COP1: variants seen among roughly 807,000 people sequenced by gnomAD.
COP1 encodes COP1 E3 ubiquitin ligase.
Under a neutral mutation model 101.3 loss-of-function variants are expected in COP1, and 24 were observed. The ratio of observed to expected loss-of-function variants is 0.24; its 90% confidence interval spans 0.17 to 0.33. The LOEUF (loss-of-function observed/expected upper bound fraction) is 0.33, where lower values mean the gene tolerates loss of function less well. COP1 is among the 10% of genes least tolerant of loss of function. The probability of loss-of-function intolerance (pLI) is 1.00; values close to 1 mark genes in which losing one functional copy is unlikely to be tolerated. For synonymous variants in COP1, 347 were observed against 341.9 expected, an observed-to-expected ratio of 1.01 and a Z score of -0.17; for missense variants, 663 against 906.2, an observed-to-expected ratio of 0.73 and a Z score of 3.45.
At chr1:176,196,120 G>C (rs1699661948) in intron 1 of COP1, among the ~76,000 whole-genome samples, 1 of 152,050 alleles carries the variant, frequency 6.6e-6, no homozygotes, top group Non-Finnish European at 1.5e-5. Flanking sequence ...GCTAAAGTAG[G>C]GATTAGAAAG....
chr1:176,050,382 G>C (rs1672335714), intron 11 of COP1, among the ~76,000 whole-genome samples: 1 of 152,194 alleles, frequency 6.6e-6, no homozygotes, highest in Non-Finnish European at 1.5e-5. Flanking sequence ...AGTGAATTTT[G>C]TCAGTGTTTC....
At chr1:176,107,169 A>C (rs1319682443) in intron 9 of COP1, among the ~76,000 whole-genome samples, 2 of 152,190 alleles carry the variant, frequency 1.3e-5, no homozygotes, top group Non-Finnish European at 2.9e-5. Context: ...ATATGTAATT[A>C]ATGCATATAT....
At chr1:176,199,017 G>A (rs2102244086) in intron 1 of COP1, among the ~76,000 whole-genome samples, 1 of 152,190 alleles carries the variant, frequency 6.6e-6, no homozygotes, top group South Asian at 2.1e-4. Flanking sequence ...AATTGTTGCT[G>A]GTAGAAATGC....
chr1:176,138,314 A>G (rs2149753070), intron 6 of COP1, among the ~76,000 whole-genome samples: 1 of 152,314 alleles, frequency 6.6e-6, no homozygotes, highest in Admixed American at 6.5e-5. Context: ...TGTTAAAGAG[A>G]TGGGCAAAGG....
chr1:176,041,593 C>T (rs527759410), intron 14 of COP1, among the ~76,000 whole-genome samples: 1 of 152,240 alleles, frequency 6.6e-6, no homozygotes, highest in African/African-American at 2.4e-5. Flanking sequence ...AAGTGATCCA[C>T]CCGCCTCAAT....
intron 9 of COP1, among the ~76,000 whole-genome samples, chr1:176,108,959 A>T (rs1334180058): frequency 2.0e-5 from 3 of 151,942 alleles, no homozygotes; most frequent in Non-Finnish European, 2.9e-5. Flanking sequence ...TAAAAATATA[A>T]AAATTAGCTG....
chr1:176,206,825 C>G lies in COP1; in HGVS notation c.154G>C (p.Val52Leu). The change falls in exon 1 of 20, where the codon GTG (valine) becomes CTG (leucine). Residue 52 changes from valine to leucine, a missense_variant. Coordinates refer to ENST00000367669, the MANE Select transcript of COP1 (RefSeq NM_022457.7). ...VSAAALVSGG[V>L]AQAAGSGGLG... The stretch of plus-strand genomic sequence containing the variant: ...CCGCCCGAGCCGGCGGCCTGGGCCA[C>G]CCCGCCGGACACCAGCGCTGCCGCC... The G allele has an allele frequency of 7.1e-7, 1 of 1,403,238 alleles. No homozygotes were observed. The highest frequency in any genetic ancestry group is 9.2e-7 in the Non-Finnish European group (1 of 1,085,846). The allele number at this position is 1,403,238 out of a possible 1,614,324, so 86.9% of individuals were successfully genotyped here. A position where few individuals can be genotyped will look rare whatever the true frequency, so the allele number is the denominator to read the frequency against.
chr1:176,112,643 T>G (rs895673094), intron 9 of COP1, among the ~76,000 whole-genome samples: 3 of 152,240 alleles, frequency 2.0e-5, no homozygotes, highest in African/African-American at 7.2e-5. Context: ...TATTATCAAA[T>G]GCTACAACTC....
intron 11 of COP1, among the ~76,000 whole-genome samples, chr1:176,059,419 T>C (rs1466074766): frequency 1.3e-5 from 2 of 152,196 alleles, no homozygotes; most frequent in African/African-American, 4.8e-5. Flanking sequence ...ATTTCTCCTT[T>C]ATATTAGAAT....
chr1:176,186,693 G>A (rs1698489894), intron 1 of COP1, among the ~76,000 whole-genome samples: 1 of 152,206 alleles, frequency 6.6e-6, no homozygotes, highest in African/African-American at 2.4e-5. Flanking sequence ...CATTCTACCT[G>A]CTATGCTGAA....
intron 18 of COP1, among the ~76,000 whole-genome samples, chr1:175,979,735 T>A (rs1378603563): frequency 6.6e-6 from 1 of 152,146 alleles, no homozygotes; most frequent in Non-Finnish European, 1.5e-5. Flanking sequence ...ATGGTTCATG[T>A]CAGCAAAACT....
chr1:176,113,005 G>C (rs1685555609), intron 9 of COP1, among the ~76,000 whole-genome samples: 1 of 152,106 alleles, frequency 6.6e-6, no homozygotes, highest in Non-Finnish European at 1.5e-5. Context: ...TGGCTATTGT[G>C]AATAGTGCTG....
At chr1:175,976,276 T>TTTC in intron 18 of COP1, among the ~76,000 whole-genome samples, 1 of 121,682 alleles carries the variant, frequency 8.2e-6, no homozygotes, top group Non-Finnish European at 1.8e-5. Context: ...CATTCTTTTT[T>TTTC]TTTTTTTTTT....
At chr1:176,142,321 T>C (rs1690829566) in intron 6 of COP1, among the ~76,000 whole-genome samples, 1 of 151,472 alleles carries the variant, frequency 6.6e-6, no homozygotes, top group Admixed American at 6.6e-5. Flanking sequence ...GCAACAATAA[T>C]AAAAAAAGAA....
intron 18 of COP1, among the ~76,000 whole-genome samples, chr1:175,973,858 G>A (rs1320903166): frequency 2.6e-5 from 4 of 152,168 alleles, no homozygotes; most frequent in Non-Finnish European, 4.4e-5. Flanking sequence ...GGGTATTTGG[G>A]AACAGTGAGC....
intron 18 of COP1, among the ~76,000 whole-genome samples, chr1:175,958,748 AT>A (rs1238433558): frequency 6.6e-6 from 1 of 152,020 alleles, no homozygotes; most frequent in Non-Finnish European, 1.5e-5. Context: ...AAGTGGAAAA[AT>A]TCCTATAAAA....
chr1:176,202,206 T>TG (rs1252669684), intron 1 of COP1, among the ~76,000 whole-genome samples: 1 of 107,544 alleles, frequency 9.3e-6, no homozygotes, highest in Non-Finnish European at 2.1e-5. Flanking sequence ...TTTTTTTTTT[T>TG]GGAGACAGGG....
At chr1:176,131,921 CCATTTAA>C (rs1688955648) in intron 8 of COP1, among the ~76,000 whole-genome samples, 1 of 151,604 alleles carries the variant, frequency 6.6e-6, no homozygotes. Context: ...AACTGCTAAC[CCATTTAA>C]CTCTGCTAGA....
intron 18 of COP1, among the ~76,000 whole-genome samples, chr1:175,963,782 T>G (rs1313868306): frequency 6.6e-6 from 1 of 152,198 alleles, no homozygotes; most frequent in Non-Finnish European, 1.5e-5. Flanking sequence ...AGTAACGTCT[T>G]CCCTCTAGGG....
Sources: gnomAD v4.1 joint callset for allele counts (sites outside exome capture counted in the v4.1 genomes callset) on GRCh38, gnomAD v4.1.1 for gene constraint, MANE v1.5 for transcripts, NCBI Gene and HGNC (gene_info 2026-07-23, HGNC 2026-07-21) for gene names.